Variants in VAV3 observed in about 807,000 individuals in gnomAD.
The protein encoded by VAV3 is vav guanine nucleotide exchange factor 3.
VAV3 carries 94 observed loss-of-function variants against 131.2 expected under a neutral mutation model. The ratio of observed to expected loss-of-function variants is 0.72; its 90% CI spans 0.61 to 0.85. VAV3 has a LOEUF of 0.85. Among genes scored for constraint, VAV3 ranks in the 40% least tolerant of loss-of-function variants. The pLI is 0.00. For synonymous variants in VAV3, 349 were observed against 342.0 expected (o/e 1.02, Z -0.22); for missense variants, 939 against 1,002.7 (o/e 0.94, Z 0.86).
chr1:107,921,508 GA>G (rs1257742344), intron 1 of VAV3, among the ~76,000 whole-genome samples: 2 of 152,264 alleles, frequency 1.3e-5, no homozygotes, highest in East Asian at 3.9e-4. Context: ...CTAAATCCCA[GA>G]ACTACACATA....
intron 21 of VAV3, among the ~76,000 whole-genome samples, chr1:107,615,511 G>A (rs2101198001): frequency 6.6e-6 from 1 of 152,160 alleles, no homozygotes; most frequent in Non-Finnish European, 1.5e-5. Flanking sequence ...GGATAACCTA[G>A]GAAATACCAT....
chr1:107,739,313 G>T (rs2102010695), intron 15 of VAV3, among the ~76,000 whole-genome samples: 1 of 152,284 alleles, frequency 6.6e-6, no homozygotes. Context: ...GATCAAACAG[G>T]CTATTGAAAG....
intron 1 of VAV3, among the ~76,000 whole-genome samples, chr1:107,888,115 A>G (rs1671127088): frequency 6.6e-6 from 1 of 152,044 alleles, no homozygotes. Context: ...ATAATCTTGT[A>G]TTATTATTCT....
intron 20 of VAV3, among the ~76,000 whole-genome samples, chr1:107,622,758 C>A (rs181867366): frequency 2.4e-4 from 36 of 152,288 alleles, no homozygotes; most frequent in African/African-American, 7.9e-4. Flanking sequence ...GCGACTGTCA[C>A]CCTGCCCAGT....
At chr1:107,573,984 G>T (rs539827472) in intron 26 of VAV3, 63 bp downstream of exon 26, 14 of 1,586,230 alleles carry the variant, frequency 8.8e-6, no homozygotes, top group Non-Finnish European at 1.2e-5. Flanking sequence ...GCCACAATGG[G>T]TGCAAACAAC....
Position 107,777,281 on chromosome 1 carries a change from T to G in VAV3, c.396A>C (p.Glu132Asp), listed in dbSNP as rs1355361627. The G allele has an allele frequency of 1.2e-5, 20 of 1,613,882 alleles. No homozygotes were observed. Among genetic ancestry groups the G allele is most frequent in the Non-Finnish European group, 1.4e-5 (17 of 1,179,974 alleles). The change falls in exon 4 of 27, where the codon GAA becomes GAC. Residue 132 changes from glutamate to aspartate, a missense_variant. Transcript: ENST00000370056. ...LATGIRPFPTEESINDEDIYK... is the reference protein window; with the variant it reads ...LATGIRPFPTDESINDEDIYK... Reference sequence around the variant, plus strand: ...AGATGTCTTCATCATTAATGCTTTCTTCTGTTGGGAAGGGCCTAGGAAGAG... The same window carrying G: ...AGATGTCTTCATCATTAATGCTTTCGTCTGTTGGGAAGGGCCTAGGAAGAG...
chr1:107,898,194 A>G (rs930575687), intron 1 of VAV3, among the ~76,000 whole-genome samples: 3 of 152,168 alleles, frequency 2.0e-5, no homozygotes, highest in African/African-American at 4.8e-5. Context: ...ACGTGAATAC[A>G]TATATATAAT....
At chr1:107,581,011 T>C (rs994863216) in intron 25 of VAV3, among the ~76,000 whole-genome samples, 42 of 152,274 alleles carry the variant, frequency 2.8e-4, no homozygotes, top group African/African-American at 7.5e-4. Context: ...AATGGGAACG[T>C]TGAGGTGGTT....
intron 20 of VAV3, among the ~76,000 whole-genome samples, chr1:107,627,039 T>C (rs1164731203): frequency 6.6e-6 from 1 of 152,170 alleles, no homozygotes; most frequent in Non-Finnish European, 1.5e-5. Context: ...TCCTTTGAAG[T>C]GACTGATTTC....
At chr1:107,942,317 C>G (rs1674036711) in intron 1 of VAV3, among the ~76,000 whole-genome samples, 1 of 152,176 alleles carries the variant, frequency 6.6e-6, no homozygotes, top group Non-Finnish European at 1.5e-5. Flanking sequence ...GAGAAGACAG[C>G]AGTTGCATTT....
chr1:107,844,652 G>A (rs1668883823), intron 2 of VAV3, among the ~76,000 whole-genome samples: 1 of 152,068 alleles, frequency 6.6e-6, no homozygotes. Context: ...GCTTGAGTAG[G>A]CAGTTTTCCC....
intron 15 of VAV3, among the ~76,000 whole-genome samples, chr1:107,736,220 A>C (rs1662619957): frequency 6.6e-6 from 1 of 152,154 alleles, no homozygotes; most frequent in South Asian, 2.1e-4. Context: ...AAATAATAAG[A>C]GGTATTTATG....
At chr1:107,824,263 T>C (rs559079869) in intron 2 of VAV3, among the ~76,000 whole-genome samples, 2 of 152,306 alleles carry the variant, frequency 1.3e-5, no homozygotes, top group African/African-American at 4.8e-5. Context: ...AAGATGCACA[T>C]AGCGTCGCTA....
chr1:107,683,573 T>G (rs772410578), intron 18 of VAV3, 40 bp from the exon 19 acceptor site: 1 of 1,608,168 alleles, frequency 6.2e-7, no homozygotes, highest in Non-Finnish European at 8.5e-7. Flanking sequence ...AAATATGTGT[T>G]GGTAATTTTG....
At chr1:107,706,758 G>A (rs1408608301) in intron 15 of VAV3, among the ~76,000 whole-genome samples, 1 of 152,158 alleles carries the variant, frequency 6.6e-6, no homozygotes, top group East Asian at 1.9e-4. Flanking sequence ...AGGTGATAGG[G>A]TCATAGATGA....
chr1:107,828,568 A>G (rs1668113067), intron 2 of VAV3, among the ~76,000 whole-genome samples: 1 of 152,176 alleles, frequency 6.6e-6, no homozygotes, highest in East Asian at 1.9e-4. Flanking sequence ...CTATCGGATA[A>G]TTCTTTTCTA....
intron 20 of VAV3, among the ~76,000 whole-genome samples, chr1:107,639,891 A>G (rs1655212333): frequency 6.6e-6 from 1 of 151,560 alleles, no homozygotes; most frequent in Middle Eastern, 3.2e-3. Flanking sequence ...CTACGATTGT[A>G]GTACCACACA....
At chr1:107,916,091 C>T (rs1672608275) in intron 1 of VAV3, among the ~76,000 whole-genome samples, 1 of 152,138 alleles carries the variant, frequency 6.6e-6, no homozygotes, top group African/African-American at 2.4e-5. Context: ...GTAACAAAAA[C>T]TATTAATACT....
intron 21 of VAV3, among the ~76,000 whole-genome samples, chr1:107,616,099 G>A (rs1017458872): frequency 1.4e-4 from 21 of 152,148 alleles, no homozygotes; most frequent in Admixed American, 1.4e-3. Context: ...CCCATTACTG[G>A]GTATATACCC....
Sources: allele counts gnomAD v4.1 joint callset (sites outside exome capture counted in the v4.1 genomes callset), GRCh38; gene constraint gnomAD v4.1.1; transcripts MANE v1.5; gene names NCBI Gene and HGNC (gene_info 2026-07-23, HGNC 2026-07-21).